Variants in ABR observed in about 807,000 individuals in gnomAD.
ABR encodes ABR activator of RhoGEF and GTPase, also known as active breakpoint cluster region-related protein.
In ABR, 35 loss-of-function variants were observed where a neutral mutation model predicts 107.2. That is an observed-to-expected ratio of 0.33 (90% CI 0.25 to 0.43). The LOEUF is 0.43. ABR is among the 20% of genes least tolerant of loss of function. The pLI, the probability that ABR is intolerant of heterozygous loss-of-function variation, is 1.00. For missense variants in ABR, 815 were observed against 1,115.2 expected, an observed-to-expected ratio of 0.73 and a Z score of 3.83; for synonymous variants, 498 against 462.0, an observed-to-expected ratio of 1.08 and a Z score of -1.00.
chr17:1,050,010 T>C lies in ABR; in HGVS notation c.1791+40A>G. The C allele has an allele frequency of 6.3e-7, 1 of 1,593,048 alleles. No individual in the cohort carries two copies. Among genetic ancestry groups the C allele is most frequent in the Non-Finnish European group, 8.5e-7 (1 of 1,171,782 alleles). ...TTCCTTTTCAACTGGAACCACCTCC[T>C]GGAGGCTCCCTCAGCCTCGCCCCGG... On this transcript the variant is annotated intron_variant, in intron 16 of 22. Coordinates refer to ENST00000302538, the MANE Select transcript of ABR (RefSeq NM_021962.5). This position sits in a 1 kb window ranked among gnomAD's most constrained non-coding sequence, Gnocchi z 4.6.
intron 17 of ABR, 75 bp downstream of exon 17, chr17:1,013,030 G>A: frequency 1.3e-6 from 2 of 1,549,636 alleles, no homozygotes; most frequent in African/African-American, 2.7e-5. Context: ...CAGCCACAGG[G>A]CCGGGCTGCC....
At chr17:1,054,582 G>T (rs190328638) in intron 14 of ABR, among the ~76,000 whole-genome samples, 1,187 of 52,862 alleles carry the variant, frequency 0.022, 305 homozygotes, top group African/African-American at 0.038. Context: ...GGGGATGGGG[G>T]CACAAGGAAC....
intron 1 of ABR, among the ~76,000 whole-genome samples, chr17:1,216,919 G>A (rs980391940): frequency 8.5e-5 from 13 of 152,164 alleles, no homozygotes; most frequent in Admixed American, 2.0e-4. Flanking sequence ...GAGGACAGGC[G>A]TGGGGGGATC....
Position 1,078,959 on chromosome 17 carries a change from G to C in ABR, c.700+371C>G. 1.3e-6 allele frequency: 2 copies of C among 1,511,834 alleles called. No individual in the cohort carries two copies. Among genetic ancestry groups the C allele is most frequent in the Non-Finnish European group, 1.8e-6 (2 of 1,132,668 alleles). 93.7% of individuals were successfully genotyped at this position (1,511,834 alleles called of 1,614,324 possible). A position where few individuals can be genotyped will look rare whatever the true frequency, so the allele number is the denominator to read the frequency against. ...ACTCAGCCACCTTGCTGATGCTGCC[G>C]CACGGACTCCAGCATCGGGCAGCCG... On this transcript the variant is annotated intron_variant, in intron 6 of 22. Coordinates refer to ENST00000302538, the MANE Select transcript of ABR (RefSeq NM_021962.5). This position sits in a 1 kb window ranked among gnomAD's most constrained non-coding sequence, Gnocchi z 7.5.
chr17:1,007,875 A>G (rs1415441096), intron 21 of ABR, among the ~76,000 whole-genome samples: 3 of 152,212 alleles, frequency 2.0e-5, no homozygotes, highest in African/African-American at 7.2e-5. Context: ...CAGGGGAGAA[A>G]GGCAGGCAGG....
rs2070595895 is a variant in ABR, at chr17:1,011,967, C to A, written c.1980G>T (p.Val660=). Reference sequence around the variant, plus strand: ...CCACACACTGCCGGACGATGTAGGGCACCTTGGAGCGCTCCCGCCTGGGGT... The same window carrying A: ...CCACACACTGCCGGACGATGTAGGGAACCTTGGAGCGCTCCCGCCTGGGGT... ...SVVTKRERSK[V]PYIVRQCVEE... The change falls in exon 19 of 23, where the codon GTG becomes GTT. Residue 660 remains valine, a synonymous_variant. Coordinates refer to ENST00000302538, the MANE Select transcript of ABR (RefSeq NM_021962.5). The surrounding 1 kb of genome is among the most constrained non-coding windows in gnomAD (Gnocchi z 4.8). The A allele has an allele frequency of 6.2e-7, 1 of 1,613,434 alleles. No individual in the cohort carries two copies. The highest frequency in any genetic ancestry group is 1.1e-5 in the South Asian group (1 of 91,068).
chr17:1,155,514 A>T (rs377553059), intron 1 of ABR, among the ~76,000 whole-genome samples: 29 of 152,190 alleles, frequency 1.9e-4, no homozygotes, highest in African/African-American at 7.0e-4. Context: ...TACATACGAC[A>T]CCAGAAGCAC....
In ABR at chr17:1,005,230, C is replaced by T; in HGVS notation, c.*850G>A. On this transcript the variant is annotated 3_prime_UTR_variant, in exon 23 of 23. Transcript: ENST00000302538. ...GTCTTTACACTCAAAGGAAATAGAA[C>T]AGCAGGGAAGGGAACTGAAAAGCAG... 2.5e-6 allele frequency: 1 copy of T among 398,678 alleles called. No individual in the cohort carries two copies. The highest frequency in any genetic ancestry group is 1.3e-4 in the South Asian group (1 of 7,852). The allele number at this position is 398,678 out of a possible 1,614,324, so 24.7% of individuals were successfully genotyped here.
intron 1 of ABR, among the ~76,000 whole-genome samples, chr17:1,152,687 G>A (rs116802647): frequency 0.013 from 2,029 of 152,154 alleles, 37 homozygotes; most frequent in African/African-American, 0.046. Context: ...CTCCTTTCCC[G>A]TTGTAGGCAA....
At position 1,071,566 on chromosome 17, in the gene ABR, A is replaced by G. The variant is rs758451356; in HGVS notation, c.894+1048T>C. ...GGCCCCCAGGGAACGGCTGTCCCAC[A>G]TGCAGGTGCCCACTGGACATTCCGG... On this transcript the variant is annotated intron_variant, in intron 8 of 22. Coordinates refer to ENST00000302538, the MANE Select transcript of ABR (RefSeq NM_021962.5). The surrounding 1 kb of genome is among the most constrained non-coding windows in gnomAD (Gnocchi z 5.1). 5.9e-5 allele frequency among the ~76,000 whole-genome samples: 9 copies of G among 152,204 alleles called. No homozygotes were observed. Among genetic ancestry groups the G allele is most frequent in the Non-Finnish European group, 1.0e-4 (7 of 68,020 alleles).
chr17:1,169,598 G>A (rs527780250), intron 1 of ABR, among the ~76,000 whole-genome samples: 15 of 152,280 alleles, frequency 9.9e-5, no homozygotes, highest in South Asian at 6.2e-4. Flanking sequence ...CTCTCCGTGG[G>A]GGACTCTCTG....
chr17:1,011,685 G>C lies in ABR; in HGVS notation c.2101+161C>G, dbSNP rs537728297. 22 of 822,686 alleles carry C rather than the reference G, an allele frequency of 2.7e-5. No individual in the cohort carries two copies. Among genetic ancestry groups the C allele is most frequent in the African/African-American group, 2.6e-4 (15 of 58,580 alleles). The allele number at this position is 822,686 out of a possible 1,614,324, so 51.0% of individuals were successfully genotyped here. A position where few individuals can be genotyped will look rare whatever the true frequency, so the allele number is the denominator to read the frequency against. ...ACCTGCAGCAAGGGACAAGAGATTG[G>C]AGGGGAGGGGATTACAAGAGAAAGC... On this transcript the variant is annotated intron_variant, in intron 19 of 22. Coordinates refer to ENST00000302538, the MANE Select transcript of ABR (RefSeq NM_021962.5). This position sits in a 1 kb window ranked among gnomAD's most constrained non-coding sequence, Gnocchi z 4.8.
At chr17:1,093,011 C>T (rs1398211944) in intron 3 of ABR, among the ~76,000 whole-genome samples, 2 of 151,714 alleles carry the variant, frequency 1.3e-5, no homozygotes, top group Non-Finnish European at 2.9e-5. Flanking sequence ...TTAGTAGAGA[C>T]GGGGTTTCAC....
chr17:1,099,206 C>A (rs2151331408), intron 3 of ABR, among the ~76,000 whole-genome samples: 1 of 152,080 alleles, frequency 6.6e-6, no homozygotes, highest in African/African-American at 2.4e-5. Context: ...TCCTGAGTAA[C>A]TGGGATTACA....
Position 1,050,207 on chromosome 17 carries a change from C to T in ABR, c.1660-26G>A, listed in dbSNP as rs750137186. Reference sequence around the variant, plus strand: ...CTGGGGAAAGATGGGACAAAGGGCCCTGAACCTCCGAAGCTGGGAGGCCTG... The same window carrying T: ...CTGGGGAAAGATGGGACAAAGGGCCTTGAACCTCCGAAGCTGGGAGGCCTG... On this transcript the variant is annotated intron_variant, in intron 15 of 22. Transcript: ENST00000302538. This position sits in a 1 kb window ranked among gnomAD's most constrained non-coding sequence, Gnocchi z 4.6. 1.5e-5 allele frequency: 24 copies of T among 1,599,964 alleles called. No homozygotes were observed. The South Asian group carries it at 2.6e-4, about 17-fold the overall frequency.
Position 1,010,897 on chromosome 17 carries a change from G to C in ABR, c.2102-34C>G. 1 of 1,610,864 alleles carries C rather than the reference G, an allele frequency of 6.2e-7. No individual in the cohort carries two copies. Among genetic ancestry groups the C allele is most frequent in the Non-Finnish European group, 8.5e-7 (1 of 1,179,666 alleles). On this transcript the variant is annotated intron_variant, in intron 19 of 22. Transcript: ENST00000302538. The surrounding 1 kb of genome is among the most constrained non-coding windows in gnomAD (Gnocchi z 4.1). ...GTGGGGCCGAGGTCAGGCAGCCTTA[G>C]CTGGGCCAGCAGCCCCGTTCCACCC...
At position 1,077,286 on chromosome 17, in the gene ABR, C is replaced by T. The variant is rs148600150; in HGVS notation, c.700+2044G>A. Among the ~76,000 whole-genome samples, 561 of 152,278 alleles carry T rather than the reference C, an allele frequency of 3.7e-3. 4 individuals are homozygous for T. The highest frequency in any genetic ancestry group is 0.013 in the African/African-American group (536 of 41,560). On this transcript the variant is annotated intron_variant, in intron 6 of 22. Coordinates refer to ENST00000302538, the MANE Select transcript of ABR (RefSeq NM_021962.5). Reference sequence around the variant, plus strand: ...AGCTGGCCCTTTCACTCCTCATTCCCCACTTTGAAGCCGACTTCAACAACA... The same window carrying T: ...AGCTGGCCCTTTCACTCCTCATTCCTCACTTTGAAGCCGACTTCAACAACA...
chr17:1,226,433 TAC>T (rs2043215860), intron 1 of ABR, among the ~76,000 whole-genome samples: 1 of 152,132 alleles, frequency 6.6e-6, no homozygotes, highest in African/African-American at 2.4e-5. Flanking sequence ...GCCATGTATA[TAC>T]GTGTGCAGGT....
At position 1,013,148 on chromosome 17, in the gene ABR, A is replaced by G. The variant is rs773956624; in HGVS notation, c.1808T>C (p.Val603Ala). Residue 603 changes from valine (V) to alanine (A), a missense_variant, in exon 17 of 23, where the codon GTG becomes GCG. Physicochemically the swap from Val to Ala is moderately conservative, Grantham distance 64 (BLOSUM62 0). Transcript: ENST00000302538. ...GTCCGTGTGCCAGTTCTTGGTCTCCACGGTTTGTGGGTCCAGCTGCAGAGA... is the reference window on the plus strand; with the variant it reads ...GTCCGTGTGCCAGTTCTTGGTCTCCGCGGTTTGTGGGTCCAGCTGCAGAGA... Reference protein sequence around the residue: ...KGQIQLDPQTVETKNWHTDVI... With the variant: ...KGQIQLDPQTAETKNWHTDVI... 6.2e-7 allele frequency: 1 copy of G among 1,614,056 alleles called. No homozygotes were observed. Among genetic ancestry groups the G allele is most frequent in the South Asian group, 1.1e-5 (1 of 91,078 alleles).
Sources: allele counts gnomAD v4.1 joint callset (sites outside exome capture counted in the v4.1 genomes callset), GRCh38; gene constraint gnomAD v4.1.1; non-coding constraint Gnocchi (gnomAD v3.1); transcripts MANE v1.5; gene names NCBI Gene and HGNC (gene_info 2026-07-23, HGNC 2026-07-21).